KCNIP4: variants seen among roughly 807,000 people sequenced by gnomAD.
KCNIP4 encodes potassium voltage-gated channel interacting protein 4, also known as Kv channel-interacting protein 4.
A neutral mutation model predicts 34.0 loss-of-function variants in KCNIP4; 12 were observed. That is an observed-to-expected ratio of 0.35 (90% CI 0.23 to 0.57). KCNIP4 has a LOEUF of 0.57. Ranked by LOEUF, KCNIP4 falls within the 20% of genes least tolerant of loss-of-function variation. KCNIP4 has a pLI of 0.83. For synonymous variants in KCNIP4, 124 were observed against 102.2 expected, an observed-to-expected ratio of 1.21 and a Z score of -1.29; for missense variants, 238 against 311.7, an observed-to-expected ratio of 0.76 and a Z score of 1.78.
chr4:21,925,800 G>C (rs1729212978), intron 1 of KCNIP4, among the ~76,000 whole-genome samples: 1 of 152,110 alleles, frequency 6.6e-6, no homozygotes, highest in African/African-American at 2.4e-5. Context: ...CACGATAAGA[G>C]AGACTGGTGA....
At chr4:20,854,927 T>C (rs747808644) in intron 2 of KCNIP4, among the ~76,000 whole-genome samples, 6 of 152,210 alleles carry the variant, frequency 3.9e-5, no homozygotes, top group Admixed American at 3.3e-4. Flanking sequence ...AGATGTTTTA[T>C]GCAAAAAGGA....
At chr4:21,224,171 C>T (rs886343926) in intron 1 of KCNIP4, among the ~76,000 whole-genome samples, 15 of 151,908 alleles carry the variant, frequency 9.9e-5, no homozygotes, top group South Asian at 4.1e-4. Flanking sequence ...TTTGGGTTGC[C>T]GTAACAAAAA....
chr4:21,808,664 T>C (rs1721445264), intron 1 of KCNIP4, among the ~76,000 whole-genome samples: 1 of 152,184 alleles, frequency 6.6e-6, no homozygotes, highest in Non-Finnish European at 1.5e-5. Flanking sequence ...TTGTTCAAGG[T>C]AAACTGTATA....
chr4:21,578,268 C>G (rs1010340468), intron 1 of KCNIP4, among the ~76,000 whole-genome samples: 6 of 132,002 alleles, frequency 4.5e-5, no homozygotes, highest in African/African-American at 1.7e-4. Context: ...GGGAGGCGGA[C>G]GTTGCAGTGA....
chr4:21,491,004 C>G (rs1732342237), intron 1 of KCNIP4, among the ~76,000 whole-genome samples: 1 of 152,074 alleles, frequency 6.6e-6, no homozygotes, highest in South Asian at 2.1e-4. Context: ...AACAGAAAAT[C>G]TCCACATCAC....
chr4:21,622,290 C>A (rs1016423756), intron 1 of KCNIP4, among the ~76,000 whole-genome samples: 1 of 152,080 alleles, frequency 6.6e-6, no homozygotes, highest in African/African-American at 2.4e-5. Flanking sequence ...CAAGAAAAAA[C>A]GGGCCCTTCT....
intron 3 of KCNIP4, among the ~76,000 whole-genome samples, chr4:20,841,686 C>T (rs1234237353): frequency 2.0e-5 from 3 of 151,990 alleles, no homozygotes; most frequent in Non-Finnish European, 4.4e-5. Flanking sequence ...TCTAGAGGGT[C>T]CCCAATTTTA....
At chr4:21,356,397 G>A (rs114689919) in intron 1 of KCNIP4, among the ~76,000 whole-genome samples, 2,235 of 152,240 alleles carry the variant, frequency 0.015, 30 homozygotes, top group South Asian at 0.047. Context: ...GCAGATGCAC[G>A]ATTGCATATT....
chr4:21,011,591 A>C (rs1739073830), intron 1 of KCNIP4, among the ~76,000 whole-genome samples: 1 of 152,230 alleles, frequency 6.6e-6, no homozygotes, highest in African/African-American at 2.4e-5. Flanking sequence ...ATCACAGGGC[A>C]CATATGTGAC....
At chr4:21,043,959 G>C (rs552098189) in intron 1 of KCNIP4, among the ~76,000 whole-genome samples, 142 of 152,124 alleles carry the variant, frequency 9.3e-4, no homozygotes, top group African/African-American at 3.4e-3. Flanking sequence ...AAATGCCATT[G>C]GTTTCCATTG....
intron 1 of KCNIP4, among the ~76,000 whole-genome samples, chr4:21,504,465 C>CAAAAA (rs376644707): frequency 8.9e-5 from 5 of 56,340 alleles, no homozygotes; most frequent in Admixed American, 3.9e-4. Context: ...GACTCCAACT[C>CAAAAA]AAAAAAAAAA....
At chr4:21,868,864 C>T (rs185415800) in intron 1 of KCNIP4, among the ~76,000 whole-genome samples, 178 of 152,280 alleles carry the variant, frequency 1.2e-3, no homozygotes, top group Admixed American at 1.8e-3. Context: ...ACTGATCTTT[C>T]TTTGACCACA....
At chr4:21,432,537 T>C (rs1726584967) in intron 1 of KCNIP4, among the ~76,000 whole-genome samples, 1 of 152,132 alleles carries the variant, frequency 6.6e-6, no homozygotes, top group African/African-American at 2.4e-5. Context: ...AACAAGGAGA[T>C]ACAATCTTGT....
At position 20,908,589 on chromosome 4, in the gene KCNIP4, C is replaced by G. The variant is rs1222342798; in HGVS notation, c.62-25880G>C. Among the ~76,000 whole-genome samples the G allele has an allele frequency of 2.6e-5, 4 of 152,274 alleles. No homozygotes were observed. The East Asian group carries it at 5.8e-4, about 22-fold the overall frequency. On this transcript the variant is annotated intron_variant, in intron 1 of 8. Transcript: ENST00000382152. The stretch of plus-strand genomic sequence containing the variant: ...TGGAATAAAATTCATATTGAGCAAG[C>G]TTTAATATGCCATTTTCAAAAGAGA...
At chr4:21,063,587 A>G (rs1744105962) in intron 1 of KCNIP4, among the ~76,000 whole-genome samples, 2 of 152,168 alleles carry the variant, frequency 1.3e-5, no homozygotes, top group Non-Finnish European at 1.5e-5. Flanking sequence ...ATTCTTGGGG[A>G]TATGTCAAAC....
At chr4:21,378,969 C>A (rs985987231) in intron 1 of KCNIP4, among the ~76,000 whole-genome samples, 4 of 152,088 alleles carry the variant, frequency 2.6e-5, no homozygotes, top group African/African-American at 9.7e-5. Flanking sequence ...TTCTGTCCAA[C>A]AGGTTAAAAA....
chr4:21,149,022 T>A (rs1265825696), intron 1 of KCNIP4, among the ~76,000 whole-genome samples: 1 of 152,168 alleles, frequency 6.6e-6, no homozygotes, highest in Non-Finnish European at 1.5e-5. Flanking sequence ...AATATTTTGC[T>A]TAGGAGGAAT....
rs577397913 is a variant in KCNIP4, at chr4:21,222,390, T to C, written c.62-339681A>G. On this transcript the variant is annotated intron_variant, in intron 1 of 8. Transcript: ENST00000382152. Reference sequence around the variant, plus strand: ...CTTTAGAAATAGGTCCAGTATACATTGTCATAGCTGATTGAGAAAATTTTC... The same window carrying C: ...CTTTAGAAATAGGTCCAGTATACATCGTCATAGCTGATTGAGAAAATTTTC... 9.8e-5 allele frequency among the ~76,000 whole-genome samples: 15 copies of C among 152,290 alleles called. No individual in the cohort carries two copies. In the South Asian group the frequency reaches 2.7e-3, roughly 27 times the overall value.
At chr4:21,266,331 G>A (rs887842088) in intron 1 of KCNIP4, among the ~76,000 whole-genome samples, 1 of 152,038 alleles carries the variant, frequency 6.6e-6, no homozygotes, top group South Asian at 2.1e-4. Flanking sequence ...ATATACTAAT[G>A]ATGTTTTCAC....
Sources: gnomAD v4.1 joint callset for allele counts (sites outside exome capture counted in the v4.1 genomes callset) on GRCh38, gnomAD v4.1.1 for gene constraint, MANE v1.5 for transcripts, NCBI Gene and HGNC (gene_info 2026-07-23, HGNC 2026-07-21) for gene names.